ERC2: variants seen among roughly 807,000 people sequenced by gnomAD.
The protein encoded by ERC2 is ELKS/RAB6-interacting/CAST family member 2.
Under a neutral mutation model 114.8 loss-of-function variants are expected in ERC2, and 42 were observed. The ratio of observed to expected loss-of-function variants is 0.37; its 90% CI spans 0.29 to 0.47. The LOEUF (loss-of-function observed/expected upper bound fraction) is 0.47. ERC2 is among the 20% of genes least tolerant of loss of function. The pLI, the probability that ERC2 is intolerant of heterozygous loss-of-function variation, is 0.99. For missense variants in ERC2, 939 were observed against 1,150.7 expected, an observed-to-expected ratio of 0.82 and a Z score of 2.66; for synonymous variants, 454 against 425.5, an observed-to-expected ratio of 1.07 and a Z score of -0.82.
intron 13 of ERC2, among the ~76,000 whole-genome samples, chr3:55,919,620 G>A (rs759231879): frequency 5.4e-4 from 82 of 152,124 alleles, no homozygotes; most frequent in Non-Finnish European, 9.4e-4. Flanking sequence ...CTAGTGGTAG[G>A]AGACAGCCAA....
At chr3:55,671,309 T>A (rs2061548639) in intron 17 of ERC2, among the ~76,000 whole-genome samples, 1 of 152,220 alleles carries the variant, frequency 6.6e-6, no homozygotes, top group Non-Finnish European at 1.5e-5. Flanking sequence ...ATATTTTGAA[T>A]TTCTTCAATA....
chr3:55,785,165 C>T (rs574362012), intron 14 of ERC2, among the ~76,000 whole-genome samples: 1 of 152,056 alleles, frequency 6.6e-6, no homozygotes, highest in East Asian at 1.9e-4. Flanking sequence ...AAGAATTACC[C>T]GAAGGCAAGA....
intron 17 of ERC2, among the ~76,000 whole-genome samples, chr3:55,580,512 G>A (rs28673967): frequency 0.062 from 9,469 of 152,260 alleles, 386 homozygotes; most frequent in Middle Eastern, 0.085. Flanking sequence ...CAAGAGCCCT[G>A]AAATCATTTC....
At chr3:55,974,115 A>G (rs2069393016) in intron 12 of ERC2, among the ~76,000 whole-genome samples, 1 of 152,168 alleles carries the variant, frequency 6.6e-6, no homozygotes, top group South Asian at 2.1e-4. Context: ...AAGTAATCTC[A>G]GCTTAAAAGT....
At chr3:56,229,511 G>C (rs1478903864) in intron 3 of ERC2, among the ~76,000 whole-genome samples, 1 of 152,146 alleles carries the variant, frequency 6.6e-6, no homozygotes, top group African/African-American at 2.4e-5. Context: ...TAAGAGCTAA[G>C]GGTTCTTAGA....
chr3:56,409,008 T>C (rs948670786), intron 2 of ERC2, among the ~76,000 whole-genome samples: 1 of 152,200 alleles, frequency 6.6e-6, no homozygotes, highest in African/African-American at 2.4e-5. Flanking sequence ...CTTCTACCCA[T>C]GTTGTCATCA....
At chr3:56,442,134 T>A (rs1191031228) in intron 1 of ERC2, among the ~76,000 whole-genome samples, 1 of 152,088 alleles carries the variant, frequency 6.6e-6, no homozygotes, top group African/African-American at 2.4e-5. Flanking sequence ...AAAGCCACCA[T>A]CTCCTCTTGA....
In ERC2 at chr3:55,933,629, C is replaced by T. The variant is rs142532706; in HGVS notation, c.2403+16796G>A. Among the ~76,000 whole-genome samples, 11 of 152,254 alleles carry T rather than the reference C, an allele frequency of 7.2e-5. No homozygotes were observed. In the East Asian group the frequency reaches 1.2e-3, roughly 16 times the overall value. On this transcript the variant is annotated intron_variant, in intron 13 of 17. Transcript: ENST00000288221. ...GCATCAATCAAATTAACCAAGTAGCCGTCAAAGTCCGTTTGGAGAGCTCTA... is the reference window on the plus strand; with the variant it reads ...GCATCAATCAAATTAACCAAGTAGCTGTCAAAGTCCGTTTGGAGAGCTCTA...
At chr3:55,967,847 T>C (rs2068860882) in intron 12 of ERC2, among the ~76,000 whole-genome samples, 1 of 152,186 alleles carries the variant, frequency 6.6e-6, no homozygotes, top group South Asian at 2.1e-4. Flanking sequence ...TTGTACTCTC[T>C]TGCCCTCTCT....
chr3:56,152,597 G>A (rs189550193), intron 4 of ERC2, among the ~76,000 whole-genome samples: 142 of 152,108 alleles, frequency 9.3e-4, no homozygotes, highest in African/African-American at 2.8e-3. Context: ...AAACAGTCTC[G>A]AGATAGGGCA....
intron 2 of ERC2, among the ~76,000 whole-genome samples, chr3:56,336,416 T>C (rs2057850703): frequency 6.6e-6 from 1 of 152,140 alleles, no homozygotes; most frequent in South Asian, 2.1e-4. Context: ...TCTAAGTCTT[T>C]TTAAACAATG....
chr3:55,962,726 G>C (rs2068473988), intron 12 of ERC2, among the ~76,000 whole-genome samples: 1 of 152,208 alleles, frequency 6.6e-6, no homozygotes, highest in Non-Finnish European at 1.5e-5. Flanking sequence ...GAAAGTTACA[G>C]AGCTAGTGAA....
intron 2 of ERC2, among the ~76,000 whole-genome samples, chr3:56,382,573 G>C (rs1338674261): frequency 6.6e-6 from 1 of 151,962 alleles, no homozygotes; most frequent in Non-Finnish European, 1.5e-5. Flanking sequence ...TAAAGTATTT[G>C]AAACAAATGA....
chr3:55,746,303 G>A (rs1353544879), intron 14 of ERC2, among the ~76,000 whole-genome samples: 3 of 151,646 alleles, frequency 2.0e-5, no homozygotes, highest in Admixed American at 6.6e-5. Context: ...GCATCATCTC[G>A]GCTCACTGCA....
intron 2 of ERC2, among the ~76,000 whole-genome samples, chr3:56,409,068 C>G (rs2060837381): frequency 6.6e-6 from 1 of 152,218 alleles, no homozygotes. Flanking sequence ...CTCCTGTGTT[C>G]CTGGAGGCCT....
intron 4 of ERC2, among the ~76,000 whole-genome samples, chr3:56,160,073 A>C (rs1224713432): frequency 6.6e-6 from 1 of 152,182 alleles, no homozygotes; most frequent in Non-Finnish European, 1.5e-5. Flanking sequence ...GAAATCTCCA[A>C]ACTGCTTTCC....
At chr3:55,890,840 C>T (rs1486423936) in intron 13 of ERC2, among the ~76,000 whole-genome samples, 2 of 152,174 alleles carry the variant, frequency 1.3e-5, no homozygotes, top group African/African-American at 2.4e-5. Flanking sequence ...GGCCCTGGAC[C>T]GAGGACCATG....
At chr3:55,735,410 GA>G (rs2065570827) in intron 14 of ERC2, among the ~76,000 whole-genome samples, 1 of 152,182 alleles carries the variant, frequency 6.6e-6, no homozygotes, top group Admixed American at 6.5e-5. Flanking sequence ...AACATGGCAA[GA>G]AAAGTAGAAG....
At chr3:56,072,620 CA>C (rs536947487) in intron 7 of ERC2, among the ~76,000 whole-genome samples, 92 of 152,106 alleles carry the variant, frequency 6.0e-4, no homozygotes, top group African/African-American at 2.2e-3. Flanking sequence ...TACCCTATCC[CA>C]AATGACTAGA....
Sources: gnomAD v4.1 joint callset for allele counts (sites outside exome capture counted in the v4.1 genomes callset) on GRCh38, gnomAD v4.1.1 for gene constraint, MANE v1.5 for transcripts, NCBI Gene and HGNC (gene_info 2026-07-23, HGNC 2026-07-21) for gene names.